Variants in MIPOL1 observed in about 807,000 individuals in gnomAD.
MIPOL1 encodes mirror-image polydactyly 1.
MIPOL1 carries 57 observed loss-of-function variants against 60.9 expected under a neutral mutation model. That is an observed-to-expected ratio of 0.94 (90% confidence interval 0.76 to 1.17). The LOEUF (loss-of-function observed/expected upper bound fraction) is 1.17. Ranked by LOEUF, MIPOL1 falls within the 50% of genes most tolerant of loss-of-function variation. The pLI is 0.00. For synonymous variants in MIPOL1, 179 were observed against 168.8 expected (o/e 1.06, Z -0.47); for missense variants, 551 against 511.6 (o/e 1.08, Z -0.74).
At chr14:37,321,489 T>G (rs1288479676) in intron 9 of MIPOL1, among the ~76,000 whole-genome samples, 2 of 151,986 alleles carry the variant, frequency 1.3e-5, no homozygotes, top group African/African-American at 2.4e-5. Context: ...AATTTTTTGA[T>G]ACTTGCCCTG....
chr14:37,459,470 A>G (rs567604475), intron 11 of MIPOL1, among the ~76,000 whole-genome samples: 70 of 152,310 alleles, frequency 4.6e-4, no homozygotes, highest in African/African-American at 1.7e-3. Context: ...AACCACGAAG[A>G]AATAGAAACC....
At chr14:37,518,465 G>C (rs1475983280) in intron 12 of MIPOL1, among the ~76,000 whole-genome samples, 1 of 152,136 alleles carries the variant, frequency 6.6e-6, no homozygotes, top group East Asian at 1.9e-4. Context: ...TTTCTGAGTA[G>C]CTGGGATAAC....
chr14:37,504,520 G>A (rs1462046642), intron 12 of MIPOL1: 5 of 152,114 alleles, frequency 3.3e-5, no homozygotes, highest in African/African-American at 7.2e-5. Flanking sequence ...GGTAAATAAC[G>A]AAATGAAGGC....
In MIPOL1 at chr14:37,213,039, A is replaced by G. The variant is rs142296099; in HGVS notation, c.-199+14935A>G. On this transcript the variant is annotated intron_variant, in intron 1 of 12. Coordinates refer to ENST00000684589, the MANE Select transcript of MIPOL1 (RefSeq NM_001388067.1). Reference sequence around the variant, plus strand: ...AGTCTTGGGGTTCCCTCTAAAGCAGATATAGCTTAGGTCACACCTGAGTCC... The same window carrying G: ...AGTCTTGGGGTTCCCTCTAAAGCAGGTATAGCTTAGGTCACACCTGAGTCC... Among the ~76,000 whole-genome samples the G allele has an allele frequency of 1.2e-4, 18 of 152,318 alleles. 1 individual carries two copies. The East Asian group carries it at 3.5e-3, about 29-fold the overall frequency.
chr14:37,244,205 C>T (rs548759530), intron 1 of MIPOL1, among the ~76,000 whole-genome samples: 7 of 143,102 alleles, frequency 4.9e-5, no homozygotes, highest in Middle Eastern at 4.1e-3. Flanking sequence ...CTGCAGTCTC[C>T]GCCTCTCGGG....
chr14:37,220,964 A>G (rs1262068344), intron 1 of MIPOL1, among the ~76,000 whole-genome samples: 2 of 152,050 alleles, frequency 1.3e-5, no homozygotes, highest in Non-Finnish European at 2.9e-5. Flanking sequence ...AAGTTTTTTC[A>G]TAGAGATGGG....
rs190293145 is a variant in MIPOL1 at position 37,208,429 on chromosome 14, A to G, written c.-199+10325A>G. On this transcript the variant is annotated intron_variant, in intron 1 of 12. Coordinates refer to ENST00000684589, the MANE Select transcript of MIPOL1 (RefSeq NM_001388067.1). ...ATGAAAATATAAATAAATAATATAG[A>G]GAAATTAACTTTTAGAAAACATAGA... Among the ~76,000 whole-genome samples, 1,003 of 152,322 alleles carry G rather than the reference A, an allele frequency of 6.6e-3. 8 individuals are homozygous for G. The highest frequency in any genetic ancestry group is 9.9e-3 in the Non-Finnish European group (671 of 68,030).
intron 11 of MIPOL1, among the ~76,000 whole-genome samples, chr14:37,463,708 T>G (rs2094566487): frequency 1.3e-5 from 2 of 152,276 alleles, no homozygotes; most frequent in South Asian, 4.1e-4. Context: ...GCAAAGATTT[T>G]ATAACTAAGA....
intron 1 of MIPOL1, among the ~76,000 whole-genome samples, chr14:37,216,767 A>C (rs1257265242): frequency 6.6e-6 from 1 of 152,166 alleles, no homozygotes; most frequent in African/African-American, 2.4e-5. Flanking sequence ...AACAAAACCT[A>C]TGGGATACAG....
At chr14:37,446,971 G>A (rs1161888316) in intron 11 of MIPOL1, among the ~76,000 whole-genome samples, 2 of 151,846 alleles carry the variant, frequency 1.3e-5, no homozygotes, top group Admixed American at 6.6e-5. Flanking sequence ...TATACCTAAT[G>A]CTAAATTACG....
In MIPOL1 at chr14:37,406,844, G is replaced by A. The variant is rs955572473; in HGVS notation, c.937-16011G>A. 3.3e-5 allele frequency among the ~76,000 whole-genome samples: 5 copies of A among 152,104 alleles called. 1 individual carries two copies. The highest frequency in any genetic ancestry group is 1.3e-4 in the Admixed American group (2 of 15,258). ...TCATTAAATGATGAATAGACTACTA[G>A]TGAAACCAGTGAAATAGTCAGTGGT... On this transcript the variant is annotated intron_variant, in intron 10 of 12. Coordinates refer to ENST00000684589, the MANE Select transcript of MIPOL1 (RefSeq NM_001388067.1).
chr14:37,208,569 C>T lies in MIPOL1; in HGVS notation c.-199+10465C>T, dbSNP rs1966471897. Reference sequence around the variant, plus strand: ...TAATGAATGAATAAAAAGTGAGCACCCATGTAGCCACCATCAAAATATTGT... The same window carrying T: ...TAATGAATGAATAAAAAGTGAGCACTCATGTAGCCACCATCAAAATATTGT... On this transcript the variant is annotated intron_variant, in intron 1 of 12. Transcript: ENST00000684589. 2.0e-5 allele frequency among the ~76,000 whole-genome samples: 3 copies of T among 151,814 alleles called. No homozygotes were observed. In the South Asian group the frequency reaches 6.3e-4, roughly 32 times the overall value.
intron 10 of MIPOL1, among the ~76,000 whole-genome samples, chr14:37,388,281 G>A (rs1955952): frequency 0.99 from 150,179 of 152,038 alleles, 74,195 homozygotes; most frequent in Middle Eastern, 1. Flanking sequence ...GTTATTGACT[G>A]TCTTTCAAAA....
intron 10 of MIPOL1, among the ~76,000 whole-genome samples, chr14:37,408,047 A>AT (rs919676906): frequency 8.7e-5 from 13 of 150,126 alleles, no homozygotes; most frequent in Non-Finnish European, 5.9e-5. Flanking sequence ...TTTATTTTTT[A>AT]TTTTTTGTGG....
chr14:37,235,617 G>A (rs1036359509), intron 1 of MIPOL1, among the ~76,000 whole-genome samples: 16 of 152,150 alleles, frequency 1.1e-4, no homozygotes, highest in Non-Finnish European at 1.5e-4. Context: ...AAATTTTACC[G>A]TCTTAAGTGG....
intron 3 of MIPOL1, among the ~76,000 whole-genome samples, chr14:37,250,401 A>C (rs1708048352): frequency 6.6e-6 from 1 of 151,982 alleles, no homozygotes; most frequent in Non-Finnish European, 1.5e-5. Context: ...TACACAAATT[A>C]GCTGGGTGTT....
At chr14:37,381,371 C>T (rs1337572162) in intron 10 of MIPOL1, among the ~76,000 whole-genome samples, 6 of 151,968 alleles carry the variant, frequency 3.9e-5, no homozygotes, top group African/African-American at 7.2e-5. Flanking sequence ...ATTGACTTTT[C>T]GTATTACAAT....
At chr14:37,262,187 T>C (rs1249337006) in intron 3 of MIPOL1, among the ~76,000 whole-genome samples, 1 of 152,012 alleles carries the variant, frequency 6.6e-6, no homozygotes, top group Non-Finnish European at 1.5e-5. Context: ...GAAATAAATA[T>C]TATTTGTGCA....
Position 37,548,230 on chromosome 14 carries a change from G to A in MIPOL1, c.*1259G>A, listed in dbSNP as rs537374943. On this transcript the variant is annotated 3_prime_UTR_variant, in exon 13 of 13. Coordinates refer to ENST00000684589, the MANE Select transcript of MIPOL1 (RefSeq NM_001388067.1). Reference sequence around the variant, plus strand: ...ATTATCTACCATTGCCTATTTACAGGATAAGTACATTCAGGACAATTTATT... The same window carrying A: ...ATTATCTACCATTGCCTATTTACAGAATAAGTACATTCAGGACAATTTATT... The A allele has an allele frequency of 6.6e-6, 1 of 151,992 alleles. No individual in the cohort carries two copies. The highest frequency in any genetic ancestry group is 2.4e-5 in the African/African-American group (1 of 41,524). 9.4% of individuals were successfully genotyped at this position (151,992 alleles called of 1,614,324 possible). A position where few individuals can be genotyped will look rare whatever the true frequency, so the allele number is the denominator to read the frequency against.
Sources: gnomAD v4.1 joint callset for allele counts (sites outside exome capture counted in the v4.1 genomes callset) on GRCh38, gnomAD v4.1.1 for gene constraint, MANE v1.5 for transcripts, NCBI Gene and HGNC (gene_info 2026-07-23, HGNC 2026-07-21) for gene names.